DMD: variants seen among roughly 807,000 people sequenced by gnomAD.
DMD encodes mutant dystrophin.
DMD carries 63 observed loss-of-function variants against 330.1 expected under a neutral mutation model. That is an observed-to-expected ratio of 0.19 (90% CI 0.16 to 0.24). DMD has a LOEUF of 0.24. Ranked by LOEUF, DMD falls within the 10% of genes least tolerant of loss-of-function variation. The probability of loss-of-function intolerance (pLI) is 1.00; values close to 1 mark genes in which losing one functional copy is unlikely to be tolerated. For missense variants in DMD, 3,344 were observed against 2,684.1 expected (o/e 1.25, Z -5.43); for synonymous variants, 1,223 against 959.8 (o/e 1.27, Z -5.07).
intron 74 of DMD, among the ~76,000 whole-genome samples, chrX:31,147,809 G>C (rs1011981661): frequency 9.0e-6 from 1 of 111,005 alleles, no homozygotes; most frequent in African/African-American, 3.3e-5. Context: ...GGTATGTTCA[G>C]ATAAGTAAGC....
chrX:31,540,770 C>A (rs1341616424), intron 55 of DMD, among the ~76,000 whole-genome samples: 1 of 111,990 alleles, frequency 8.9e-6, no homozygotes, highest in African/African-American at 3.2e-5. Context: ...CACTGACCTA[C>A]AAAATGACCT....
chrX:32,102,665 G>C lies in DMD; in HGVS notation c.6438+114251C>G, dbSNP rs933974920. On this transcript the variant is annotated intron_variant, in intron 44 of 78. Coordinates refer to ENST00000357033, the MANE Select transcript of DMD (RefSeq NM_004006.3). ...AAATGGGCAATATGGTTTGAGAACA[G>C]TTGATATGAAACACGATGATGAACC... Among the ~76,000 whole-genome samples, 4 of 111,518 alleles carry C rather than the reference G, an allele frequency of 3.6e-5. No individual in the cohort carries two copies. The Admixed American group carries it at 3.8e-4, about 11-fold the overall frequency.
At chrX:32,366,680 G>T (rs1449657644) in intron 34 of DMD, among the ~76,000 whole-genome samples, 1 of 111,593 alleles carries the variant, frequency 9.0e-6, no homozygotes, top group African/African-American at 3.3e-5. Flanking sequence ...TACCTAAGTA[G>T]TCCTGTGGCT....
At chrX:32,864,016 G>T (rs2082291798) in intron 2 of DMD, among the ~76,000 whole-genome samples, 1 of 112,393 alleles carries the variant, frequency 8.9e-6, no homozygotes, top group Admixed American at 9.4e-5. Flanking sequence ...AGTCACAGAG[G>T]ATAAAATATT....
chrX:32,413,710 CTT>C (rs779787287), intron 29 of DMD, among the ~76,000 whole-genome samples: 4 of 78,568 alleles, frequency 5.1e-5, no homozygotes, highest in Admixed American at 4.3e-4. Context: ...AAGCTCTATT[CTT>C]TTTTTTTTTT....
intron 1 of DMD, among the ~76,000 whole-genome samples, chrX:33,073,360 T>C (rs776174336): frequency 8.9e-6 from 1 of 112,226 alleles, no homozygotes; most frequent in East Asian, 2.8e-4. Context: ...CTCTGTCCTG[T>C]ACAATTCTAT....
chrX:32,612,692 ACTT>A (rs1405629408), intron 12 of DMD, among the ~76,000 whole-genome samples: 10 of 111,384 alleles, frequency 9.0e-5, no homozygotes, highest in African/African-American at 2.6e-4. Context: ...ACTGTACCTA[ACTT>A]CTTCTTCAGG....
chrX:32,558,944 T>TTTTTTTC lies in DMD; in HGVS notation c.1992+6757_1992+6758insGAAAAAA, dbSNP rs1569199560. Among the ~76,000 whole-genome samples the TTTTTTTC allele has an allele frequency of 3.7e-4, 14 of 38,213 alleles. 1 individual carries two copies. Among genetic ancestry groups the TTTTTTTC allele is most frequent in the African/African-American group, 1.2e-3 (14 of 12,001 alleles). 33.2% of individuals were successfully genotyped at this position (38,213 alleles called of 115,157 possible). ...AGATGTAACTTCAAATTTTCTTTTT[T>TTTTTTTC]TTTTTTTTTTTTTTTTTTTTTTTTG... On this transcript the variant is annotated intron_variant, in intron 16 of 78. Transcript: ENST00000357033.
chrX:32,839,165 CTCTCTGCTCCCCTA>C (rs1367151893), intron 4 of DMD, among the ~76,000 whole-genome samples: 2 of 111,018 alleles, frequency 1.8e-5, no homozygotes, highest in African/African-American at 3.3e-5. Flanking sequence ...ACCTTACTAC[CTCTCTGCTCCCCTA>C]TCTCTGCTAT....
At chrX:32,387,366 G>A (rs901169941) in intron 32 of DMD, among the ~76,000 whole-genome samples, 3 of 110,435 alleles carry the variant, frequency 2.7e-5, no homozygotes, top group Non-Finnish European at 5.7e-5. Flanking sequence ...GTGTATATAC[G>A]TATACACGTA....
At chrX:31,526,671 T>C (rs987279730) in intron 55 of DMD, among the ~76,000 whole-genome samples, 36 of 112,174 alleles carry the variant, frequency 3.2e-4, no homozygotes, top group African/African-American at 1.1e-3. Flanking sequence ...TAAATGGGCA[T>C]CTGCTCTCTC....
At chrX:32,388,997 T>A (rs2097981174) in intron 32 of DMD, among the ~76,000 whole-genome samples, 1 of 111,505 alleles carries the variant, frequency 9.0e-6, no homozygotes. Flanking sequence ...CCAGTACTGG[T>A]GTTTAAAGGA....
intron 22 of DMD, among the ~76,000 whole-genome samples, chrX:32,470,082 G>T (rs2040459532): frequency 2.7e-5 from 3 of 111,170 alleles, no homozygotes; most frequent in African/African-American, 9.8e-5. Context: ...TATATCTTTT[G>T]TGTGTATGCA....
chrX:33,300,948 A>G (rs768126959), intron 1 of DMD, among the ~76,000 whole-genome samples: 5 of 111,889 alleles, frequency 4.5e-5, no homozygotes, highest in Non-Finnish European at 9.4e-5. Context: ...TAAGATGTAG[A>G]ACCAGTCGCG....
intron 9 of DMD, among the ~76,000 whole-genome samples, chrX:32,669,715 T>G (rs921121177): frequency 1.8e-5 from 2 of 111,011 alleles, no homozygotes; most frequent in East Asian, 2.8e-4. Flanking sequence ...CCCTTTTTGG[T>G]TTTTTTTGGC....
chrX:32,125,246 T>A (rs1471252982), intron 44 of DMD, among the ~76,000 whole-genome samples: 8 of 111,294 alleles, frequency 7.2e-5, no homozygotes, highest in African/African-American at 2.6e-4. Flanking sequence ...ACTAGGATAC[T>A]AATGGGCATA....
chrX:31,942,179 CTCACCA>C (rs929823400), intron 45 of DMD, among the ~76,000 whole-genome samples: 1 of 111,759 alleles, frequency 8.9e-6, no homozygotes, highest in African/African-American at 3.3e-5. Flanking sequence ...TCTCTGAAGC[CTCACCA>C]TCATCTGTTG....
chrX:32,554,981 G>A (rs1055023294), intron 16 of DMD, among the ~76,000 whole-genome samples: 5 of 105,984 alleles, frequency 4.7e-5, no homozygotes, highest in African/African-American at 1.7e-4. Context: ...GAGAGAGAGA[G>A]AGAAAGAAAG....
intron 1 of DMD, among the ~76,000 whole-genome samples, chrX:33,094,588 C>G (rs1464836067): frequency 9.0e-6 from 1 of 111,314 alleles, no homozygotes; most frequent in African/African-American, 3.3e-5. Flanking sequence ...AGGTGGATCA[C>G]CTGAGGTCAG....
Sources: allele counts gnomAD v4.1 joint callset (sites outside exome capture counted in the v4.1 genomes callset), GRCh38; gene constraint gnomAD v4.1.1; transcripts MANE v1.5; gene names NCBI Gene and HGNC (gene_info 2026-07-23, HGNC 2026-07-21).